Variants in SSX7 observed in about 807,000 individuals in gnomAD.
SSX7 encodes SSX family member 7.
SSX7 carries 15 observed loss-of-function variants against 14.7 expected under a neutral mutation model. The ratio of observed to expected loss-of-function variants is 1.02; its 90% CI spans 0.68 to 1.58. The LOEUF (loss-of-function observed/expected upper bound fraction) is 1.58, where lower values mean the gene tolerates loss of function less well. Among genes scored for constraint, SSX7 ranks in the 40% most tolerant of loss-of-function variants. SSX7 has a pLI of 0.00. For missense variants in SSX7, 178 were observed against 146.8 expected (o/e 1.21, Z -1.10); for synonymous variants, 46 against 50.6 (o/e 0.91, Z 0.38).
intron 5 of SSX7, among the ~76,000 whole-genome samples, 176 bp from the exon 6 acceptor site, chrX:52,648,572 A>G (rs1925326408): frequency 1.8e-5 from 2 of 111,994 alleles, no homozygotes; most frequent in Admixed American, 9.6e-5. Flanking sequence ...GGAATGGCCT[A>G]TGTGAATATC....
intron 5 of SSX7, among the ~76,000 whole-genome samples, chrX:52,650,003 G>T (rs192013268): frequency 8.9e-6 from 1 of 112,498 alleles, no homozygotes. Flanking sequence ...GAACTTAGAA[G>T]ACTTGTGCCA....
intron 3 of SSX7, 41 bp downstream of exon 3, chrX:52,652,829 A>G: frequency 9.2e-7 from 1 of 1,085,387 alleles, no homozygotes; most frequent in Non-Finnish European, 1.3e-6. Flanking sequence ...AGGGATGCTC[A>G]TGTGTCCCCA....
chrX:52,652,558 G>C (rs1202532797), intron 3 of SSX7, among the ~76,000 whole-genome samples: 1 of 109,601 alleles, frequency 9.1e-6, no homozygotes, highest in Non-Finnish European at 1.9e-5. Context: ...AAGAAAGAAA[G>C]ATACAAGCCG....
intron 3 of SSX7, among the ~76,000 whole-genome samples, 175 bp from the exon 4 acceptor site, chrX:52,652,522 C>A (rs1361641921): frequency 9.2e-6 from 1 of 108,603 alleles, no homozygotes; most frequent in Non-Finnish European, 1.9e-5. Flanking sequence ...AGGTGACAGA[C>A]TGAGACTCAG....
chrX:52,644,537 C>T lies in SSX7; in HGVS notation c.*138G>A, dbSNP rs1925171920. 2 of 1,043,840 alleles carry T rather than the reference C, an allele frequency of 1.9e-6. No individual in the cohort carries two copies. Among genetic ancestry groups the T allele is most frequent in the East Asian group, 3.0e-5 (1 of 32,864 alleles). The allele number at this position is 1,043,840 out of a possible 1,213,427, so 86.0% of individuals were successfully genotyped here. On this transcript the variant is annotated 3_prime_UTR_variant, in exon 8 of 8. Coordinates refer to ENST00000298181, the MANE Select transcript of SSX7 (RefSeq NM_173358.2). ...TTGTCACACTAAGAAAAACGACGCT[C>T]AACTTTTCACTGTTGTGAACACTTG...
In SSX7 at chrX:52,644,418, A is replaced by G. The variant is rs1360321809; in HGVS notation, c.*257T>C. ...TGCATGGATACACAAACCGAAATAC[A>G]CATTAAGCATGTCTTGCTCATCAAT... On this transcript the variant is annotated 3_prime_UTR_variant, in exon 8 of 8. Coordinates refer to ENST00000298181, the MANE Select transcript of SSX7 (RefSeq NM_173358.2). The G allele has an allele frequency of 7.0e-6, 3 of 428,047 alleles. No individual in the cohort carries two copies. The highest frequency in any genetic ancestry group is 8.0e-5 in the East Asian group (2 of 25,128). 35.3% of individuals were successfully genotyped at this position (428,047 alleles called of 1,213,427 possible).
intron 5 of SSX7, 54 bp downstream of exon 5, chrX:52,650,299 G>C (rs1364901610): frequency 8.5e-7 from 1 of 1,174,556 alleles, no homozygotes; most frequent in Non-Finnish European, 1.2e-6. Context: ...ACCAGTGTTT[G>C]CATCCATGGA....
At chrX:52,654,364 G>GGTTT (rs1556767486) in intron 1 of SSX7, among the ~76,000 whole-genome samples, 1 of 60,944 alleles carries the variant, frequency 1.6e-5, no homozygotes, top group South Asian at 1.4e-3. Context: ...ATTTGAGTGA[G>GGTTT]TTTTTTTTTT....
intron 5 of SSX7, among the ~76,000 whole-genome samples, chrX:52,650,002 A>G (rs187283530): frequency 1.0e-3 from 117 of 112,696 alleles, no homozygotes; most frequent in Non-Finnish European, 2.0e-3. Context: ...AGAACTTAGA[A>G]GACTTGTGCC....
chrX:52,650,286 C>T, intron 5 of SSX7, 67 bp downstream of exon 5: 1 of 1,164,452 alleles, frequency 8.6e-7, no homozygotes, highest in East Asian at 3.0e-5. Context: ...TTCTCCCACT[C>T]TTACCAGTGT....
At chrX:52,650,563 T>C (rs1235692349) in intron 4 of SSX7, among the ~76,000 whole-genome samples, 161 bp from the exon 5 acceptor site, 2 of 112,573 alleles carry the variant, frequency 1.8e-5, no homozygotes, top group Non-Finnish European at 3.7e-5. Context: ...TCATGGTTGA[T>C]TCATTTATCT....
intron 2 of SSX7, 182 bp from the exon 3 acceptor site, chrX:52,653,166 T>A (rs1184388750): frequency 3.6e-5 from 27 of 752,134 alleles, no homozygotes; most frequent in Non-Finnish European, 4.1e-5. Flanking sequence ...TGCTGCTGAC[T>A]GACTCTCTTC....
chrX:52,653,061 T>C (rs1925493607), intron 2 of SSX7, 77 bp from the exon 3 acceptor site: 1 of 1,179,947 alleles, frequency 8.5e-7, no homozygotes. Flanking sequence ...CCCCTTCCTG[T>C]GTGCTGGATC....
At position 52,645,512 on chromosome X, in the gene SSX7, G is replaced by T. The variant is rs140270142; in HGVS notation, c.498C>A (p.His166Gln). 7.3e-4 allele frequency: 878 copies of T among 1,200,871 alleles called. 3 individuals carry two copies. The South Asian group carries it at 7.5e-3, about 10-fold the overall frequency. Residue 166 changes from histidine (H) to glutamine (Q), a missense_variant, in exon 7 of 8, where the codon CAC (histidine) becomes CAA (glutamine). Coordinates refer to ENST00000298181, the MANE Select transcript of SSX7 (RefSeq NM_173358.2). ...GPKRGKHAWTHRLRERKQLVI... is the reference protein window; with the variant it reads ...GPKRGKHAWTQRLRERKQLVI... ...CCAGCTGCTTTCTCTCACGCAGTCTGTGGGTCCAGGCATGTTTCCCCCTTT... is the reference window on the plus strand; with the variant it reads ...CCAGCTGCTTTCTCTCACGCAGTCTTTGGGTCCAGGCATGTTTCCCCCTTT...
In SSX7 at chrX:52,654,361, TGAG is replaced by T. The variant is rs1450558262; in HGVS notation, c.-21+398_-21+400del. 5.2e-4 allele frequency among the ~76,000 whole-genome samples: 30 copies of T among 57,891 alleles called. No homozygotes were observed. The East Asian group carries it at 0.014, about 26-fold the overall frequency. The allele number at this position is 57,891 out of a possible 115,157, so 50.3% of individuals were successfully genotyped here. On this transcript the variant is annotated intron_variant, in intron 1 of 7. Coordinates refer to ENST00000298181, the MANE Select transcript of SSX7 (RefSeq NM_173358.2). ...TTGATCCCAGGAGGAAAGATTTGAG[TGAG>T]TTTTTTTTTTTTTTTTTTTTTGAGT...
intron 6 of SSX7, among the ~76,000 whole-genome samples, chrX:52,647,151 A>C (rs1367313484): frequency 3.6e-5 from 4 of 112,149 alleles, no homozygotes; most frequent in African/African-American, 1.3e-4. Flanking sequence ...CAGTCCATGA[A>C]AGCTGAGAGA....
Position 52,645,468 on chromosome X carries a change from C to G in SSX7, c.542G>C (p.Ser181Thr). 1 of 1,202,796 alleles carries G rather than the reference C, an allele frequency of 8.3e-7. No individual in the cohort carries two copies. Residue 181 changes from serine to threonine, a missense_variant, in exon 7 of 8, where the codon AGC becomes ACC. By Grantham distance (58) the Ser-to-Thr change is moderately conservative. Coordinates refer to ENST00000298181, the MANE Select transcript of SSX7 (RefSeq NM_173358.2). ...RKQLVIYEEI[S>T]DPEEDDE Reference sequence around the variant, plus strand: ...TTACTCGTCGTCTTCTTCAGGGTCGCTGATCTCTTCATAAATCACCAGCTG... The same window carrying G: ...TTACTCGTCGTCTTCTTCAGGGTCGGTGATCTCTTCATAAATCACCAGCTG...
At chrX:52,647,791 C>CA (rs1158523601) in intron 6 of SSX7, among the ~76,000 whole-genome samples, 4 of 110,648 alleles carry the variant, frequency 3.6e-5, no homozygotes, top group Non-Finnish European at 7.6e-5. Flanking sequence ...ACTGCTAAAC[C>CA]AAAAAAACAA....
chrX:52,647,058 G>C (rs1330996432), intron 6 of SSX7, among the ~76,000 whole-genome samples: 5 of 112,625 alleles, frequency 4.4e-5, no homozygotes, highest in African/African-American at 9.7e-5. Flanking sequence ...GAGAAAGTTT[G>C]AGTGGTCAGG....
Sources: gnomAD v4.1 joint callset for allele counts (sites outside exome capture counted in the v4.1 genomes callset) on GRCh38, gnomAD v4.1.1 for gene constraint, MANE v1.5 for transcripts, NCBI Gene and HGNC (gene_info 2026-07-23, HGNC 2026-07-21) for gene names.